The following MCC variants were observed in gnomAD, a reference collection of about 807,000 sequenced individuals.
The protein encoded by MCC is MCC regulator of Wnt signaling pathway.
A neutral mutation model predicts 116.2 loss-of-function variants in MCC; 90 were observed. The observed-to-expected ratio is 0.77, with a 90% CI of 0.65 to 0.92. MCC has a LOEUF of 0.92. Among genes scored for constraint, MCC ranks in the 40% least tolerant of loss-of-function variants. MCC has a pLI of 0.00. For missense variants in MCC, 1,516 were observed against 1,312.2 expected, an observed-to-expected ratio of 1.16 and a Z score of -2.40; for synonymous variants, 578 against 510.5, an observed-to-expected ratio of 1.13 and a Z score of -1.78.
At chr5:113,110,326 G>C (rs950507383) in intron 6 of MCC, among the ~76,000 whole-genome samples, 1 of 152,216 alleles carries the variant, frequency 6.6e-6, no homozygotes, top group Non-Finnish European at 1.5e-5. Flanking sequence ...ACACAGCAGA[G>C]GGCTGACTCC....
At chr5:113,357,040 C>T (rs573682548) in intron 2 of MCC, among the ~76,000 whole-genome samples, 2 of 152,168 alleles carry the variant, frequency 1.3e-5, no homozygotes, top group Non-Finnish European at 2.9e-5. Context: ...TGTAGTCATG[C>T]TGCTTAGTAT....
At chr5:113,154,774 T>C (rs1348171412) in intron 3 of MCC, among the ~76,000 whole-genome samples, 1 of 152,202 alleles carries the variant, frequency 6.6e-6, no homozygotes, top group Admixed American at 6.5e-5. Context: ...TGAAATATAA[T>C]ATTTATACAT....
chr5:113,120,902 A>G (rs944351353), intron 6 of MCC, among the ~76,000 whole-genome samples: 15 of 152,150 alleles, frequency 9.9e-5, no homozygotes, highest in African/African-American at 3.4e-4. Context: ...TCAAGACACT[A>G]TAAACCCATG....
chr5:113,263,896 T>C (rs1199098528), intron 3 of MCC, among the ~76,000 whole-genome samples: 7 of 136,438 alleles, frequency 5.1e-5, no homozygotes, highest in African/African-American at 1.9e-4. Context: ...AAGAAGGAAA[T>C]AAAACCAGTG....
intron 3 of MCC, among the ~76,000 whole-genome samples, chr5:113,157,481 T>A (rs1014130697): frequency 1.3e-5 from 2 of 152,126 alleles, no homozygotes; most frequent in African/African-American, 4.8e-5. Flanking sequence ...GAGGAATGAG[T>A]TCATCCCCAC....
rs1287175439 is a variant in MCC at position 113,024,049 on chromosome 5, T to TTTC, written c.*3252_*3253insGAA. 1 of 9,882 alleles carries TTTC rather than the reference T, an allele frequency of 1.0e-4. No individual in the cohort carries two copies. Among genetic ancestry groups the TTTC allele is most frequent in the African/African-American group, 7.2e-4 (1 of 1,384 alleles). The allele number at this position is 9,882 out of a possible 1,614,324, so 0.6% of individuals were successfully genotyped here. A position where few individuals can be genotyped will look rare whatever the true frequency, so the allele number is the denominator to read the frequency against. ...TGTTTTCCTTAGAGTGGTAACTTTC[T>TTTC]TTACTACTCCTTAACAGCTTTTAAG... On this transcript the variant is annotated 3_prime_UTR_variant, in exon 19 of 19. Transcript: ENST00000408903.
intron 6 of MCC, among the ~76,000 whole-genome samples, chr5:113,112,595 A>G (rs1343495995): frequency 6.6e-6 from 1 of 152,210 alleles, no homozygotes; most frequent in African/African-American, 2.4e-5. Context: ...GTAGTTCTTT[A>G]TAGCAGTGTG....
intron 17 of MCC, among the ~76,000 whole-genome samples, chr5:113,033,187 T>C (rs1234186584): frequency 6.6e-6 from 1 of 152,196 alleles, no homozygotes; most frequent in Non-Finnish European, 1.5e-5. Flanking sequence ...TTCCCTGGCT[T>C]CTGACTAAGT....
intron 3 of MCC, among the ~76,000 whole-genome samples, chr5:113,155,404 T>A (rs1386274548): frequency 3.9e-5 from 6 of 152,174 alleles, no homozygotes; most frequent in African/African-American, 1.4e-4. Flanking sequence ...AATACCCAAG[T>A]AGTGGGATTG....
intron 16 of MCC, among the ~76,000 whole-genome samples, chr5:113,046,508 A>G (rs1752083805): frequency 6.6e-6 from 1 of 151,866 alleles, no homozygotes; most frequent in Admixed American, 6.6e-5. Flanking sequence ...CCTTACTTTG[A>G]AGCCACTCCA....
intron 3 of MCC, among the ~76,000 whole-genome samples, chr5:113,270,516 C>G (rs932863033): frequency 9.3e-5 from 14 of 151,126 alleles, no homozygotes; most frequent in Admixed American, 8.6e-4. Context: ...GGCTAACGTC[C>G]TTTAGAATAA....
intron 8 of MCC, among the ~76,000 whole-genome samples, chr5:113,097,838 T>G (rs1232052723): frequency 6.6e-6 from 1 of 152,154 alleles, no homozygotes; most frequent in African/African-American, 2.4e-5. Context: ...TGACTTTTAT[T>G]TGGTTCAAAA....
At chr5:113,113,162 G>C (rs1757197124) in intron 6 of MCC, among the ~76,000 whole-genome samples, 1 of 152,200 alleles carries the variant, frequency 6.6e-6, no homozygotes, top group Admixed American at 6.5e-5. Context: ...GCAATTCAAA[G>C]TGGGAGAAAG....
In MCC at chr5:113,469,131, C is replaced by A. The variant is rs1772004565; in HGVS notation, c.170+19114G>T. Among the ~76,000 whole-genome samples the A allele has an allele frequency of 2.0e-5, 3 of 152,086 alleles. No homozygotes were observed. The South Asian group carries it at 6.2e-4, about 32-fold the overall frequency. On this transcript the variant is annotated intron_variant, in intron 1 of 18. Transcript: ENST00000408903. ...AATTTTGTTGACCTTTTCAAAAAACCAGCTCCTGGATTCATTAATTTTTTG... is the reference window on the plus strand; with the variant it reads ...AATTTTGTTGACCTTTTCAAAAAACAAGCTCCTGGATTCATTAATTTTTTG...
At chr5:113,238,242 G>A (rs922947582) in intron 3 of MCC, among the ~76,000 whole-genome samples, 5 of 152,058 alleles carry the variant, frequency 3.3e-5, no homozygotes, top group African/African-American at 1.2e-4. Flanking sequence ...GCACTTTTCA[G>A]AAAGGCAGTA....
intron 5 of MCC, among the ~76,000 whole-genome samples, chr5:113,124,472 G>A (rs1757925925): frequency 6.6e-6 from 1 of 152,178 alleles, no homozygotes; most frequent in African/African-American, 2.4e-5. Context: ...AGCCAAGAAA[G>A]CAAGTGATAA....
In MCC at chr5:113,226,587, G is replaced by A. The variant is rs540693979; in HGVS notation, c.628-75165C>T. Among the ~76,000 whole-genome samples the A allele has an allele frequency of 2.2e-4, 33 of 152,312 alleles. No homozygotes were observed. In the South Asian group the frequency reaches 6.6e-3, roughly 31 times the overall value. ...ACTAACAATTTAGTTTGAGGGGCTA[G>A]GGTCATTAACTACCATTTTAGAAGA... On this transcript the variant is annotated intron_variant, in intron 3 of 18. Transcript: ENST00000408903.
chr5:113,450,900 T>C (rs1293988345), intron 1 of MCC, among the ~76,000 whole-genome samples: 2 of 152,220 alleles, frequency 1.3e-5, no homozygotes, highest in African/African-American at 4.8e-5. Context: ...ATTATAAAAA[T>C]GTATTAGCAG....
At chr5:113,118,082 C>A (rs1757494476) in intron 6 of MCC, among the ~76,000 whole-genome samples, 1 of 152,202 alleles carries the variant, frequency 6.6e-6, no homozygotes, top group African/African-American at 2.4e-5. Flanking sequence ...AAGTGACTTA[C>A]CCTCTCCAAA....
Sources: gnomAD v4.1 joint callset for allele counts (sites outside exome capture counted in the v4.1 genomes callset) on GRCh38, gnomAD v4.1.1 for gene constraint, MANE v1.5 for transcripts, NCBI Gene and HGNC (gene_info 2026-07-23, HGNC 2026-07-21) for gene names.